The following ABCB1 variants were observed in gnomAD, a reference collection of about 807,000 sequenced individuals.
ABCB1 encodes the protein ATP-dependent translocase ABCB1.
ABCB1 carries 69 observed loss-of-function variants against 142.0 expected under a neutral mutation model. That is an observed-to-expected ratio of 0.49 (90% CI 0.40 to 0.59). The LOEUF is 0.59. Ranked by LOEUF, ABCB1 falls within the 20% of genes least tolerant of loss-of-function variation. The pLI, the probability that ABCB1 is intolerant of heterozygous loss-of-function variation, is 0.00. For synonymous variants in ABCB1, 532 were observed against 539.2 expected (o/e 0.99, Z 0.18); for missense variants, 1,326 against 1,554.7 (o/e 0.85, Z 2.47).
intron 1 of ABCB1, among the ~76,000 whole-genome samples, chr7:87,623,334 A>G (rs988752431): frequency 9.9e-5 from 15 of 152,230 alleles, no homozygotes; most frequent in Non-Finnish European, 1.5e-4. Flanking sequence ...ACTGAGGGTC[A>G]GTATTTGCCC....
chr7:87,680,972 A>G (rs1826873065), intron 1 of ABCB1, among the ~76,000 whole-genome samples: 2 of 150,556 alleles, frequency 1.3e-5, no homozygotes, highest in Admixed American at 6.6e-5. Context: ...TAAAATTCAT[A>G]AACTTCTGGT....
At chr7:87,694,736 A>G (rs1464127313) in intron 1 of ABCB1, among the ~76,000 whole-genome samples, 2 of 152,094 alleles carry the variant, frequency 1.3e-5, no homozygotes, top group African/African-American at 4.8e-5. Context: ...TTTAAGCCTT[A>G]TGTTAATAAT....
intron 1 of ABCB1, chr7:87,700,315 A>C: frequency 1.1e-6 from 1 of 894,968 alleles, no homozygotes; most frequent in Non-Finnish European, 1.6e-6. Flanking sequence ...TTGCCATTAT[A>C]GTTCACTATA....
chr7:87,664,335 T>C (rs2130472332), intron 1 of ABCB1, among the ~76,000 whole-genome samples: 1 of 151,994 alleles, frequency 6.6e-6, no homozygotes, highest in East Asian at 1.9e-4. Flanking sequence ...AGATACCATC[T>C]CTAAAAAAAT....
chr7:87,628,551 C>A (rs1820832873), intron 1 of ABCB1: 1 of 307,058 alleles, frequency 3.3e-6, no homozygotes, highest in Non-Finnish European at 5.9e-6. Context: ...CGGCAGTCGG[C>A]GGCGCGCCGA....
At chr7:87,670,065 T>A (rs1342018082) in intron 1 of ABCB1, among the ~76,000 whole-genome samples, 1 of 152,212 alleles carries the variant, frequency 6.6e-6, no homozygotes, top group South Asian at 2.1e-4. Flanking sequence ...AAATATGTTT[T>A]CCAAGTTGTT....
At chr7:87,593,473 A>G (rs967109713) in intron 3 of ABCB1, among the ~76,000 whole-genome samples, 16 of 152,240 alleles carry the variant, frequency 1.1e-4, no homozygotes, top group Non-Finnish European at 1.5e-4. Context: ...TTGTGTGCAG[A>G]CAAGAGCTAA....
chr7:87,675,952 C>T (rs921902957), intron 1 of ABCB1, among the ~76,000 whole-genome samples: 17 of 152,190 alleles, frequency 1.1e-4, no homozygotes, highest in African/African-American at 4.1e-4. Context: ...TGTAGTGGCT[C>T]ATACCTGTAA....
At chr7:87,683,232 GTCT>G (rs1335424810) in intron 1 of ABCB1, among the ~76,000 whole-genome samples, 1 of 152,130 alleles carries the variant, frequency 6.6e-6, no homozygotes, top group East Asian at 1.9e-4. Context: ...GGCTGGTTTG[GTCT>G]TCTATTCAGA....
rs201779482 is a variant in ABCB1, at chr7:87,550,794, T to A, written c.1044A>T (p.Ala348=). 3.1e-6 allele frequency: 5 copies of A among 1,613,722 alleles called. No homozygotes were observed. The African/African-American group carries it at 6.7e-5, about 22-fold the overall frequency. ...TTGCAAATGCTTCAATGCTTGGAGA[T>A]GCCTGTCCAACACTAAAAGCCCCAA... is the stretch of plus-strand genomic sequence containing the variant. ...VLIGAFSVGQ[A]SPSIEAFANA... Residue 348 remains alanine (A), a synonymous_variant, in exon 10 of 28, where the codon GCA becomes GCT. Coordinates refer to ENST00000622132, the MANE Select transcript of ABCB1 (RefSeq NM_001348946.2).
chr7:87,606,564 A>G (rs1314280407), intron 1 of ABCB1, among the ~76,000 whole-genome samples: 1 of 152,140 alleles, frequency 6.6e-6, no homozygotes, highest in East Asian at 1.9e-4. Context: ...CCTCTTTAAA[A>G]AAGTAGTAAT....
chr7:87,545,224 T>G (rs1224154258), intron 15 of ABCB1, among the ~76,000 whole-genome samples: 1 of 152,222 alleles, frequency 6.6e-6, no homozygotes, highest in Non-Finnish European at 1.5e-5. Flanking sequence ...CTGCATATAC[T>G]GAAATAATCT....
At chr7:87,649,167 G>A (rs1823324233) in intron 1 of ABCB1, among the ~76,000 whole-genome samples, 1 of 152,106 alleles carries the variant, frequency 6.6e-6, no homozygotes. Context: ...GTTGTTTGAG[G>A]TGACAGGACT....
At chr7:87,628,587 GTGT>G in intron 1 of ABCB1, 1 of 12,220 alleles carries the variant, frequency 8.2e-5, no homozygotes. Context: ...GTGCGTGCGT[GTGT>G]GTGTGTGTGT....
chr7:87,589,007 G>T (rs1818875774), intron 3 of ABCB1, among the ~76,000 whole-genome samples: 1 of 151,944 alleles, frequency 6.6e-6, no homozygotes, highest in African/African-American at 2.4e-5. Context: ...TTTTTTCTTT[G>T]TAAATTTGTT....
chr7:87,535,363 C>G (rs1246014678), intron 20 of ABCB1, among the ~76,000 whole-genome samples: 1 of 144,106 alleles, frequency 6.9e-6, no homozygotes, highest in African/African-American at 2.6e-5. Context: ...GAGACATAGT[C>G]TTGCTTTGTC....
At chr7:87,519,170 A>G (rs1389753707) in intron 23 of ABCB1, among the ~76,000 whole-genome samples, 156 bp downstream of exon 23, 1 of 152,242 alleles carries the variant, frequency 6.6e-6, no homozygotes, top group Admixed American at 6.5e-5. Context: ...GGGTGCTTCA[A>G]TGGTGGCACA....
chr7:87,550,233 C>T lies in ABCB1; in HGVS notation c.1288G>A (p.Gly430Ser). The T allele has an allele frequency of 6.2e-7, 1 of 1,614,186 alleles. No homozygotes were observed. Among genetic ancestry groups the T allele is most frequent in the Non-Finnish European group, 8.5e-7 (1 of 1,180,046 alleles). ...GQTVALVGNSGCGKSTTVQLM... is the reference protein window; with the variant it reads ...GQTVALVGNSSCGKSTTVQLM... ...TGGACTGTTGTGCTCTTCCCACAGC[C>T]ACTGTTTCCAACCAGGGCCACCGTC... Residue 430 changes from glycine (G) to serine (S), a missense_variant, in exon 12 of 28, where the codon GGC (glycine) becomes AGC (serine). Physicochemically the swap from Gly to Ser is moderately conservative, Grantham distance 56 (BLOSUM62 0). Coordinates refer to ENST00000622132, the MANE Select transcript of ABCB1 (RefSeq NM_001348946.2).
intron 1 of ABCB1, among the ~76,000 whole-genome samples, chr7:87,672,796 GC>G (rs1193982442): frequency 6.6e-6 from 1 of 152,128 alleles, no homozygotes; most frequent in East Asian, 1.9e-4. Context: ...GCTTCCCTGG[GC>G]AGGGGAGGTT....
Sources: allele counts gnomAD v4.1 joint callset (sites outside exome capture counted in the v4.1 genomes callset), GRCh38; gene constraint gnomAD v4.1.1; transcripts MANE v1.5; gene names NCBI Gene and HGNC (gene_info 2026-07-23, HGNC 2026-07-21).